Variants in NRG4 observed in about 807,000 individuals in gnomAD.
The protein encoded by NRG4 is pro-neuregulin-4, membrane-bound isoform.
In NRG4, 10 loss-of-function variants were observed where a neutral mutation model predicts 15.0. That is an observed-to-expected ratio of 0.67 (90% confidence interval 0.41 to 1.13). The LOEUF (loss-of-function observed/expected upper bound fraction) is 1.13, where lower values mean the gene tolerates loss of function less well. NRG4 is among the 50% of genes most tolerant of loss of function. The pLI, the probability that NRG4 is intolerant of heterozygous loss-of-function variation, is 0.00. For synonymous variants in NRG4, 41 were observed against 50.1 expected (o/e 0.82, Z 0.77); for missense variants, 139 against 140.2 (o/e 0.99, Z 0.04).
intron 3 of NRG4, chr15:76,005,679 G>GAAAAAAAAAAAAAAA: frequency 2.7e-5 from 4 of 148,536 alleles, no homozygotes; most frequent in East Asian, 1.7e-4. Flanking sequence ...CTCTGTCTCA[G>GAAAAAAAAAAAAAAA]AAAAAAAAAA....
intron 3 of NRG4, among the ~76,000 whole-genome samples, chr15:75,988,170 A>G (rs2033866508): frequency 6.6e-6 from 1 of 152,134 alleles, no homozygotes; most frequent in South Asian, 2.1e-4. Context: ...GACGTCAAAG[A>G]GGTTGACTGT....
At chr15:76,002,121 G>A (rs1471235368) in intron 3 of NRG4, among the ~76,000 whole-genome samples, 8 of 152,104 alleles carry the variant, frequency 5.3e-5, no homozygotes, top group South Asian at 4.1e-4. Flanking sequence ...CAGCTATTTC[G>A]AAAACTGTGT....
intron 3 of NRG4, among the ~76,000 whole-genome samples, chr15:75,992,916 C>CT (rs199501046): frequency 0.017 from 2,480 of 144,620 alleles, 45 homozygotes; most frequent in African/African-American, 0.041. Context: ...TTGATGGACA[C>CT]TTTTTTTTTT....
chr15:76,038,283 C>T (rs938624048), intron 4 of NRG4, among the ~76,000 whole-genome samples: 12 of 152,290 alleles, frequency 7.9e-5, no homozygotes, highest in Admixed American at 1.3e-4. Context: ...TCTACCACAA[C>T]GTGGTATAGC....
intron 4 of NRG4, among the ~76,000 whole-genome samples, chr15:75,960,260 G>T (rs2032449580): frequency 6.6e-6 from 1 of 152,166 alleles, no homozygotes; most frequent in Non-Finnish European, 1.5e-5. Context: ...TAGACTGACA[G>T]AATGTTTAGA....
chr15:75,955,377 T>C (rs1308416337), intron 5 of NRG4, among the ~76,000 whole-genome samples: 2 of 152,218 alleles, frequency 1.3e-5, no homozygotes, highest in Non-Finnish European at 2.9e-5. Flanking sequence ...TCTATTGCCA[T>C]CTCTCAGGGC....
chr15:75,989,051 T>G (rs915125334), intron 3 of NRG4, among the ~76,000 whole-genome samples: 2 of 151,922 alleles, frequency 1.3e-5, no homozygotes. Flanking sequence ...AGAGATGGGG[T>G]CTCACTATGT....
upstream of NRG4, among the ~76,000 whole-genome samples, chr15:76,014,199 T>C (rs1427721766): frequency 6.6e-6 from 1 of 152,206 alleles, no homozygotes; most frequent in Non-Finnish European, 1.5e-5. Context: ...TGTTGGTTTT[T>C]TTCTTGTAAA....
In NRG4 at chr15:75,968,931, C is replaced by T. The variant is rs573308601; in HGVS notation, c.105-6957G>A. 3.9e-3 allele frequency among the ~76,000 whole-genome samples: 594 copies of T among 152,038 alleles called. 4 individuals are homozygous for T. The highest frequency in any genetic ancestry group is 0.014 in the African/African-American group (583 of 41,444). ...TTAAGTAACAATTTCAATAAATATA[C>T]AATTATGTTTAAATATTATAAATAA... is the stretch of plus-strand genomic sequence containing the variant. On this transcript the variant is annotated intron_variant, in intron 3 of 5. Transcript: ENST00000394907.
At chr15:75,948,625 A>G (rs1181220316) in intron 5 of NRG4, among the ~76,000 whole-genome samples, 3 of 150,766 alleles carry the variant, frequency 2.0e-5, no homozygotes, top group Admixed American at 2.0e-4. Flanking sequence ...GTATATGGTG[A>G]TAGGTAAGCG....
At chr15:75,976,461 C>T (rs1201101886) in intron 3 of NRG4, among the ~76,000 whole-genome samples, 1 of 152,178 alleles carries the variant, frequency 6.6e-6, no homozygotes, top group Non-Finnish European at 1.5e-5. Flanking sequence ...GGTTTTTCCT[C>T]ATCTTCGTGG....
At chr15:75,958,159 C>T (rs541483660) in intron 4 of NRG4, among the ~76,000 whole-genome samples, 33 of 152,120 alleles carry the variant, frequency 2.2e-4, no homozygotes, top group African/African-American at 7.9e-4. Flanking sequence ...ACTACAGGCA[C>T]CCGCCACCAT....
At chr15:76,011,367 C>A in intron 1 of NRG4, 81 bp from the exon 2 acceptor site, 1 of 688,238 alleles carries the variant, frequency 1.5e-6, no homozygotes, top group Non-Finnish European at 2.1e-6. Flanking sequence ...ATTCTAATAG[C>A]AATATTCTTA....
intron 3 of NRG4, among the ~76,000 whole-genome samples, chr15:75,968,890 T>C (rs934489718): frequency 4.6e-5 from 7 of 152,198 alleles, no homozygotes; most frequent in African/African-American, 1.4e-4. Flanking sequence ...GAAATTGCTA[T>C]GTGTCCATTT....
intron 3 of NRG4, among the ~76,000 whole-genome samples, chr15:76,004,758 G>A (rs1195998290): frequency 6.6e-6 from 1 of 151,950 alleles, no homozygotes; most frequent in Non-Finnish European, 1.5e-5. Context: ...AATGTAAATA[G>A]ATTAAATTAT....
chr15:75,943,700 T>G, intron 5 of NRG4, 46 bp from the exon 6 acceptor site: 2 of 1,314,294 alleles, frequency 1.5e-6, no homozygotes, highest in South Asian at 2.4e-5. Context: ...CATTGCAATG[T>G]TTCTTACTAC....
intron 5 of NRG4, among the ~76,000 whole-genome samples, chr15:75,945,189 A>G (rs1227192995): frequency 1.3e-5 from 2 of 152,068 alleles, no homozygotes; most frequent in East Asian, 1.9e-4. Context: ...GGCCCCTAGC[A>G]TTAACCTTTC....
chr15:75,964,793 G>A (rs2032708936), intron 3 of NRG4, among the ~76,000 whole-genome samples: 1 of 152,068 alleles, frequency 6.6e-6, no homozygotes, highest in Non-Finnish European at 1.5e-5. Context: ...CTGGCTGGTG[G>A]CCCACGCCTG....
chr15:76,003,814 T>C (rs1378299784), intron 3 of NRG4, among the ~76,000 whole-genome samples: 1 of 152,092 alleles, frequency 6.6e-6, no homozygotes, highest in Non-Finnish European at 1.5e-5. Flanking sequence ...ACAAAACAAC[T>C]GGAACCAAGA....
Sources: allele counts gnomAD v4.1 joint callset (sites outside exome capture counted in the v4.1 genomes callset), GRCh38; gene constraint gnomAD v4.1.1; transcripts MANE v1.5; gene names NCBI Gene and HGNC (gene_info 2026-07-23, HGNC 2026-07-21).